CADPS: variants seen among roughly 807,000 people sequenced by gnomAD.
CADPS encodes the protein calcium dependent secretion activator.
A neutral mutation model predicts 167.3 loss-of-function variants in CADPS; 57 were observed. The ratio of observed to expected loss-of-function variants is 0.34; its 90% CI spans 0.28 to 0.42. The LOEUF is 0.42. Among genes scored for constraint, CADPS ranks in the 20% least tolerant of loss-of-function variants. CADPS has a pLI of 1.00. For missense variants in CADPS, 1,414 were observed against 1,738.1 expected, an observed-to-expected ratio of 0.81 and a Z score of 3.32; for synonymous variants, 676 against 635.3, an observed-to-expected ratio of 1.06 and a Z score of -0.96.
At chr3:62,618,450 T>C (rs1000219964) in intron 6 of CADPS, among the ~76,000 whole-genome samples, 1 of 152,160 alleles carries the variant, frequency 6.6e-6, no homozygotes, top group Non-Finnish European at 1.5e-5. Flanking sequence ...AGCCTCAGCA[T>C]CATGCAATTT....
chr3:62,825,948 C>A (rs1179861363), intron 1 of CADPS, among the ~76,000 whole-genome samples: 1 of 152,130 alleles, frequency 6.6e-6, no homozygotes, highest in East Asian at 1.9e-4. Flanking sequence ...GCGAGGGTGA[C>A]AATAAGATCT....
intron 10 of CADPS, among the ~76,000 whole-genome samples, chr3:62,555,242 C>T (rs1009859717): frequency 2.6e-5 from 4 of 152,086 alleles, no homozygotes; most frequent in East Asian, 3.8e-4. Context: ...TTACATCTTT[C>T]GTATAGAAAT....
intron 7 of CADPS, among the ~76,000 whole-genome samples, chr3:62,588,196 T>A (rs2085083417): frequency 6.6e-6 from 1 of 152,088 alleles, no homozygotes; most frequent in Non-Finnish European, 1.5e-5. Context: ...TTAGCCTATA[T>A]CTCTTCAGTA....
At chr3:62,613,070 G>A (rs1011830326) in intron 6 of CADPS, among the ~76,000 whole-genome samples, 1 of 152,286 alleles carries the variant, frequency 6.6e-6, no homozygotes, top group Middle Eastern at 3.4e-3. Context: ...GTAATCAGGG[G>A]ACATCCTGCC....
chr3:62,483,067 T>G (rs1292754269), intron 21 of CADPS, among the ~76,000 whole-genome samples: 1 of 151,860 alleles, frequency 6.6e-6, no homozygotes, highest in African/African-American at 2.4e-5. Context: ...ATTTTAAGGG[T>G]GTTCCATCCA....
intron 3 of CADPS, among the ~76,000 whole-genome samples, chr3:62,715,566 C>T (rs2084358339): frequency 6.6e-6 from 1 of 150,924 alleles, no homozygotes; most frequent in African/African-American, 2.4e-5. Flanking sequence ...ATCATAAATA[C>T]TATAATACTT....
intron 10 of CADPS, among the ~76,000 whole-genome samples, chr3:62,554,621 C>G (rs2077820414): frequency 6.6e-6 from 1 of 152,198 alleles, no homozygotes; most frequent in Admixed American, 6.5e-5. Context: ...TTACTTGGCT[C>G]TCCAGCTGGC....
At chr3:62,635,157 G>A (rs1410700216) in intron 6 of CADPS, among the ~76,000 whole-genome samples, 1 of 152,138 alleles carries the variant, frequency 6.6e-6, no homozygotes. Flanking sequence ...ACATTTTCTA[G>A]GTTCCAAGTC....
chr3:62,680,939 A>G (rs771276812), intron 3 of CADPS, among the ~76,000 whole-genome samples: 34 of 151,956 alleles, frequency 2.2e-4, no homozygotes, highest in Non-Finnish European at 4.1e-4. Context: ...TGATGAGGAC[A>G]TATCCTGGTT....
rs898048035 is a variant in CADPS at position 62,602,579 on chromosome 3, A to G, written c.1326-9831T>C. 6.6e-6 allele frequency among the ~76,000 whole-genome samples: 1 copy of G among 152,198 alleles called. No individual in the cohort carries two copies. Among genetic ancestry groups the G allele is most frequent in the African/African-American group, 2.4e-5 (1 of 41,446 alleles). Reference sequence around the variant, plus strand: ...CCACTCCAAGGGAATCAATTGTGCCATCGCAGTGTGTCTCATGCAAACTAA... The same window carrying G: ...CCACTCCAAGGGAATCAATTGTGCCGTCGCAGTGTGTCTCATGCAAACTAA... On this transcript the variant is annotated intron_variant, in intron 6 of 29. Transcript: ENST00000383710. The surrounding 1 kb of genome is among the most constrained non-coding windows in gnomAD (Gnocchi z 4.4).
rs928068146 is a variant in CADPS at position 62,753,349 on chromosome 3, C to T, written c.888+92G>A. 6.3e-5 allele frequency: 60 copies of T among 954,662 alleles called. No individual in the cohort carries two copies. In the Admixed American group the frequency reaches 1.4e-3, roughly 22 times the overall value. The allele number at this position is 954,662 out of a possible 1,614,324, so 59.1% of individuals were successfully genotyped here. A position where few individuals can be genotyped will look rare whatever the true frequency, so the allele number is the denominator to read the frequency against. On this transcript the variant is annotated intron_variant, in intron 3 of 29. Transcript: ENST00000383710. The surrounding 1 kb of genome is among the most constrained non-coding windows in gnomAD (Gnocchi z 4.6). ...AGAGTAATAAAATATAAGTTTTAAT[C>T]CTTTTTTTAAAAAAATCAAGAAGTA...
chr3:62,809,432 G>A (rs2094287047), intron 1 of CADPS, among the ~76,000 whole-genome samples: 1 of 152,084 alleles, frequency 6.6e-6, no homozygotes, highest in African/African-American at 2.4e-5. Context: ...CCAATCTCAG[G>A]GTTTGTCCTT....
At position 62,549,582 on chromosome 3, in the gene CADPS, A is replaced by G. The variant is rs187766207; in HGVS notation, c.1966+321T>C. 1.2e-4 allele frequency among the ~76,000 whole-genome samples: 18 copies of G among 152,204 alleles called. No homozygotes were observed. In the East Asian group the frequency reaches 1.7e-3, roughly 15 times the overall value. On this transcript the variant is annotated intron_variant, in intron 11 of 29. Transcript: ENST00000383710. ...TAATAGGAAGAAATGAAGCAAGGAC[A>G]TACATAATCTACTATATTTGAAGGA...
chr3:62,556,396 C>A (rs916288399), intron 10 of CADPS, among the ~76,000 whole-genome samples: 2 of 152,202 alleles, frequency 1.3e-5, no homozygotes, highest in Non-Finnish European at 2.9e-5. Flanking sequence ...GGGCCCAAGG[C>A]CTTCCCTGCC....
At chr3:62,594,142 TA>T (rs1451901852) in intron 6 of CADPS, among the ~76,000 whole-genome samples, 12 of 145,774 alleles carry the variant, frequency 8.2e-5, no homozygotes, top group South Asian at 4.4e-4. Flanking sequence ...TTTTTTTATT[TA>T]TTTTTTTTAT....
chr3:62,770,848 T>C (rs1445020473), intron 1 of CADPS, among the ~76,000 whole-genome samples: 1 of 152,210 alleles, frequency 6.6e-6, no homozygotes, highest in African/African-American at 2.4e-5. Flanking sequence ...CCTCCAAAAG[T>C]GACCACCAGC....
chr3:62,427,744 A>G (rs866349290), intron 28 of CADPS, among the ~76,000 whole-genome samples: 9 of 152,352 alleles, frequency 5.9e-5, no homozygotes, highest in Middle Eastern at 3.4e-3. Context: ...AGGGCAAAGA[A>G]TGAATTTTCT....
At chr3:62,860,036 C>G (rs2080473568) in intron 1 of CADPS, among the ~76,000 whole-genome samples, 1 of 152,160 alleles carries the variant, frequency 6.6e-6, no homozygotes, top group Admixed American at 6.5e-5. Flanking sequence ...AACTGACAGT[C>G]TAGTAACATT....
At chr3:62,547,535 C>T (rs1439078438) in intron 11 of CADPS, among the ~76,000 whole-genome samples, 1 of 146,928 alleles carries the variant, frequency 6.8e-6, no homozygotes, top group Non-Finnish European at 1.5e-5. Flanking sequence ...CTGGTTTTCT[C>T]ACTCATTTCT....
Sources: gnomAD v4.1 joint callset for allele counts (sites outside exome capture counted in the v4.1 genomes callset) on GRCh38, gnomAD v4.1.1 for gene constraint, Gnocchi (gnomAD v3.1) non-coding constraint, MANE v1.5 for transcripts, NCBI Gene and HGNC (gene_info 2026-07-23, HGNC 2026-07-21) for gene names.